The following PTPRT variants were observed in gnomAD, a reference collection of about 807,000 sequenced individuals.
PTPRT encodes receptor-type tyrosine-protein phosphatase T.
PTPRT carries 56 observed loss-of-function variants against 176.8 expected under a neutral mutation model. The ratio of observed to expected loss-of-function variants is 0.32; its 90% confidence interval spans 0.26 to 0.40. The LOEUF is 0.40. Among genes scored for constraint, PTPRT ranks in the 10% least tolerant of loss-of-function variants. The pLI is 1.00. For missense variants in PTPRT, 1,540 were observed against 1,908.2 expected (o/e 0.81, Z 3.60); for synonymous variants, 783 against 739.0 (o/e 1.06, Z -0.96).
intron 1 of PTPRT, among the ~76,000 whole-genome samples, chr20:42,931,680 C>T (rs1486868102): frequency 6.6e-6 from 1 of 152,182 alleles, no homozygotes; most frequent in Non-Finnish European, 1.5e-5. Flanking sequence ...CTAATACATG[C>T]CGCTGCAAGA....
intron 1 of PTPRT, among the ~76,000 whole-genome samples, chr20:43,033,195 C>T (rs1372064197): frequency 6.6e-6 from 1 of 152,186 alleles, no homozygotes; most frequent in Admixed American, 6.5e-5. Context: ...ACCTAAAGAA[C>T]AAGTCCAGGG....
At chr20:43,026,180 C>G (rs1355864815) in intron 1 of PTPRT, among the ~76,000 whole-genome samples, 1 of 152,092 alleles carries the variant, frequency 6.6e-6, no homozygotes, top group African/African-American at 2.4e-5. Flanking sequence ...TGCAGTGGTG[C>G]GACCTCAGCT....
intron 7 of PTPRT, among the ~76,000 whole-genome samples, chr20:42,527,464 C>G (rs1342195060): frequency 6.6e-6 from 1 of 152,144 alleles, no homozygotes; most frequent in African/African-American, 2.4e-5. Context: ...CAGCATCTGA[C>G]CACACCCTTA....
chr20:42,579,810 G>A (rs1011789482), intron 7 of PTPRT, among the ~76,000 whole-genome samples: 7 of 152,074 alleles, frequency 4.6e-5, no homozygotes, highest in African/African-American at 1.7e-4. Flanking sequence ...TTAGCCTTTT[G>A]TCAGATGAGT....
At chr20:42,184,574 T>TTCTTCTTCTTCTTCTTCC (rs1990673450) in intron 16 of PTPRT, among the ~76,000 whole-genome samples, 3 of 138,572 alleles carry the variant, frequency 2.2e-5, no homozygotes, top group African/African-American at 8.3e-5. Flanking sequence ...CTTCTTCTTC[T>TTCTTCTTCTTCTTCTTCC]TCTTCTTCTT....
intron 1 of PTPRT, among the ~76,000 whole-genome samples, chr20:43,140,563 TTTAA>T (rs2013974614): frequency 6.6e-6 from 1 of 152,000 alleles, no homozygotes; most frequent in African/African-American, 2.4e-5. Flanking sequence ...TTTGGGTTTT[TTTAA>T]TTAATACAAT....
intron 1 of PTPRT, among the ~76,000 whole-genome samples, chr20:42,891,553 C>T (rs2079192712): frequency 6.6e-6 from 1 of 152,200 alleles, no homozygotes; most frequent in Admixed American, 6.5e-5. Flanking sequence ...GTGCAGGATA[C>T]ATACTTTAGG....
intron 7 of PTPRT, among the ~76,000 whole-genome samples, chr20:42,529,284 T>C (rs60918621): frequency 6.6e-6 from 1 of 152,024 alleles, no homozygotes; most frequent in Admixed American, 6.6e-5. Context: ...GTATCTGAGG[T>C]TTAAAAGTCC....
chr20:42,948,208 C>A (rs1981010664), intron 1 of PTPRT, among the ~76,000 whole-genome samples: 1 of 152,156 alleles, frequency 6.6e-6, no homozygotes, highest in Admixed American at 6.5e-5. Flanking sequence ...GGCCCTGCAC[C>A]AGGACCCCTT....
chr20:42,239,811 T>C (rs1304312380), intron 14 of PTPRT, among the ~76,000 whole-genome samples: 3 of 152,140 alleles, frequency 2.0e-5, no homozygotes, highest in East Asian at 1.9e-4. Context: ...AGTCAGGCAC[T>C]GGGATGTCAA....
intron 16 of PTPRT, among the ~76,000 whole-genome samples, chr20:42,180,420 C>A (rs1397363638): frequency 6.6e-6 from 1 of 152,168 alleles, no homozygotes; most frequent in Non-Finnish European, 1.5e-5. Context: ...ACTTATGACT[C>A]CTGATCCCAT....
At chr20:42,566,733 C>G (rs1039418948) in intron 7 of PTPRT, among the ~76,000 whole-genome samples, 9 of 152,138 alleles carry the variant, frequency 5.9e-5, no homozygotes, top group African/African-American at 2.2e-4. Flanking sequence ...TCCAACATAC[C>G]ACACTGAATG....
At chr20:42,354,355 T>A (rs541904325) in intron 9 of PTPRT, among the ~76,000 whole-genome samples, 21 of 152,192 alleles carry the variant, frequency 1.4e-4, no homozygotes, top group African/African-American at 4.8e-4. Context: ...ATTATGTCCA[T>A]GGGATTCATC....
chr20:42,837,230 G>A (rs977648308), intron 2 of PTPRT, among the ~76,000 whole-genome samples: 17 of 152,146 alleles, frequency 1.1e-4, no homozygotes, highest in African/African-American at 3.6e-4. Flanking sequence ...AGGCCCATCC[G>A]GAGGACCCTT....
At chr20:42,536,504 T>C (rs1446297914) in intron 7 of PTPRT, among the ~76,000 whole-genome samples, 2 of 152,198 alleles carry the variant, frequency 1.3e-5, no homozygotes, top group African/African-American at 2.4e-5. Flanking sequence ...TGTCAGGAGA[T>C]ACCTGCATTC....
the PTPRT span, among the ~76,000 whole-genome samples, chr20:42,048,776 A>G: frequency 2.2e-3 from 333 of 152,202 alleles, no homozygotes; most frequent in African/African-American, 7.7e-3. Flanking sequence ...ACTCAGGGAC[A>G]CTCACATTTT....
intron 6 of PTPRT, among the ~76,000 whole-genome samples, chr20:42,723,982 C>G (rs542427013): frequency 6.6e-6 from 1 of 152,298 alleles, no homozygotes; most frequent in South Asian, 2.1e-4. Context: ...TTCATATTAC[C>G]TCTCCGAGGC....
intron 1 of PTPRT, among the ~76,000 whole-genome samples, chr20:43,129,883 G>T (rs1288425667): frequency 1.3e-5 from 2 of 152,082 alleles, no homozygotes; most frequent in Non-Finnish European, 2.9e-5. Flanking sequence ...CTCCCAAAGT[G>T]CTGGGATTAC....
chr20:42,189,606 A>C (rs1990916460), intron 16 of PTPRT, among the ~76,000 whole-genome samples: 1 of 152,210 alleles, frequency 6.6e-6, no homozygotes, highest in Non-Finnish European at 1.5e-5. Context: ...TCAGATTAGG[A>C]GTCTACAGAA....
Sources: allele counts gnomAD v4.1 joint callset (sites outside exome capture counted in the v4.1 genomes callset), GRCh38; gene constraint gnomAD v4.1.1; transcripts MANE v1.5; gene names NCBI Gene and HGNC (gene_info 2026-07-23, HGNC 2026-07-21).